The following BBX variants were observed in gnomAD, a reference collection of about 807,000 sequenced individuals.
BBX encodes HMG box transcription factor BBX.
Under a neutral mutation model 100.2 loss-of-function variants are expected in BBX, and 30 were observed. The observed-to-expected ratio is 0.30, with a 90% CI of 0.22 to 0.41. The LOEUF is 0.41. Ranked by LOEUF, BBX falls within the 10% of genes least tolerant of loss-of-function variation. BBX has a pLI of 1.00. For missense variants in BBX, 1,023 were observed against 1,129.8 expected (o/e 0.91, Z 1.35); for synonymous variants, 376 against 388.1 (o/e 0.97, Z 0.37).
intron 2 of BBX, among the ~76,000 whole-genome samples, chr3:107,541,182 A>G (rs1352782009): frequency 6.6e-6 from 1 of 152,188 alleles, no homozygotes; most frequent in African/African-American, 2.4e-5. Context: ...CATTTTACAG[A>G]TGAAGGAACA....
chr3:107,765,763 T>C (rs979396548), intron 10 of BBX, among the ~76,000 whole-genome samples: 4 of 152,170 alleles, frequency 2.6e-5, no homozygotes, highest in Non-Finnish European at 4.4e-5. Flanking sequence ...CGGCACTGGC[T>C]GGAGACTGGG....
chr3:107,525,546 T>C (rs2047703351), intron 1 of BBX: 1 of 152,618 alleles, frequency 6.6e-6, no homozygotes, highest in Non-Finnish European at 1.5e-5. Flanking sequence ...ATGGACTCTA[T>C]TCCCTTTCTC....
chr3:107,757,663 C>T (rs1411549735), intron 10 of BBX, among the ~76,000 whole-genome samples: 1 of 152,138 alleles, frequency 6.6e-6, no homozygotes, highest in African/African-American at 2.4e-5. Context: ...TAAGTATATG[C>T]ACAATGGATT....
intron 3 of BBX, among the ~76,000 whole-genome samples, chr3:107,682,016 C>A: frequency 6.6e-6 from 1 of 152,124 alleles, no homozygotes; most frequent in East Asian, 1.9e-4. Context: ...CAACGTGCTT[C>A]ATAACAGTGC....
At chr3:107,694,805 G>A (rs978401364) in intron 3 of BBX, among the ~76,000 whole-genome samples, 2 of 151,788 alleles carry the variant, frequency 1.3e-5, no homozygotes, top group Non-Finnish European at 1.5e-5. Context: ...ATATAATTCA[G>A]CTGTGAATCC....
At chr3:107,627,894 G>A (rs997756848) in intron 2 of BBX, among the ~76,000 whole-genome samples, 1 of 151,696 alleles carries the variant, frequency 6.6e-6, no homozygotes, top group Non-Finnish European at 1.5e-5. Context: ...TTCTTAGAAT[G>A]CCTGTTTTGA....
chr3:107,621,884 A>G (rs1373579014), intron 2 of BBX, among the ~76,000 whole-genome samples: 1 of 152,108 alleles, frequency 6.6e-6, no homozygotes, highest in Non-Finnish European at 1.5e-5. Flanking sequence ...TCATAGATAC[A>G]CCAGTAATTT....
intron 2 of BBX, among the ~76,000 whole-genome samples, chr3:107,609,636 T>C (rs1055757664): frequency 6.6e-6 from 1 of 152,128 alleles, no homozygotes. Flanking sequence ...TAGGAAATTA[T>C]CCATTTTTTC....
At chr3:107,664,963 G>GT (rs2058663508) in intron 3 of BBX, among the ~76,000 whole-genome samples, 1 of 151,930 alleles carries the variant, frequency 6.6e-6, no homozygotes, top group Non-Finnish European at 1.5e-5. Flanking sequence ...GATTCTTTTG[G>GT]TATCTGATAT....
intron 2 of BBX, among the ~76,000 whole-genome samples, chr3:107,544,821 CA>C (rs1021505401): frequency 2.1e-5 from 3 of 141,650 alleles, no homozygotes; most frequent in Non-Finnish European, 4.6e-5. Context: ...CTGGCTAACA[CA>C]GTGAAACCCT....
intron 2 of BBX, among the ~76,000 whole-genome samples, chr3:107,538,399 CT>C (rs1200434381): frequency 6.6e-6 from 1 of 151,946 alleles, no homozygotes; most frequent in Admixed American, 6.6e-5. Context: ...GTTGTTGTTT[CT>C]TTTTCTTTAA....
intron 3 of BBX, among the ~76,000 whole-genome samples, chr3:107,660,356 G>C (rs1037546189): frequency 6.6e-6 from 1 of 151,818 alleles, no homozygotes; most frequent in African/African-American, 2.4e-5. Flanking sequence ...CTGATGAAAA[G>C]AAATTCTTCA....
intron 2 of BBX, among the ~76,000 whole-genome samples, chr3:107,613,628 A>G (rs2055014963): frequency 6.6e-6 from 1 of 152,048 alleles, no homozygotes; most frequent in African/African-American, 2.4e-5. Flanking sequence ...TAATTTGAAA[A>G]CAGAGATAGG....
rs77599876 is a variant in BBX, at chr3:107,566,323, C to A, written c.-84+39925C>A. 4.4e-3 allele frequency among the ~76,000 whole-genome samples: 673 copies of A among 151,632 alleles called. 5 individuals are homozygous for A. Among genetic ancestry groups the A allele is most frequent in the African/African-American group, 0.015 (603 of 41,358 alleles). ...TTTCTGAGATTAAACTCAACCTGAT[C>A]TTACTCTTTTCAAACACTATTCTAT... On this transcript the variant is annotated intron_variant, in intron 2 of 17. Transcript: ENST00000325805.
In BBX at chr3:107,779,008, TATATATATATATACACACACACACACAC is replaced by T. The variant is rs1395949503; in HGVS notation, c.2203+495_2203+522del. ...TCCTCCAGCAACATATATATATATA[TATATATATATATACACACACACACACAC>T]ATATACATTGGTTTTGTTAAATTTA... On this transcript the variant is annotated intron_variant, in intron 13 of 17. Coordinates refer to ENST00000325805, the MANE Select transcript of BBX (RefSeq NM_001142568.3). Among the ~76,000 whole-genome samples, 13 of 71,316 alleles carry T rather than the reference TATATATATATATACACACACACACACAC, an allele frequency of 1.8e-4. 2 individuals are homozygous for T. The highest frequency in any genetic ancestry group is 5.6e-4 in the African/African-American group (13 of 23,112). The allele number at this position is 71,316 out of a possible 152,430, so 46.8% of individuals were successfully genotyped here. A position where few individuals can be genotyped will look rare whatever the true frequency, so the allele number is the denominator to read the frequency against.
At chr3:107,737,509 G>A (rs2063717171) in intron 7 of BBX, among the ~76,000 whole-genome samples, 1 of 152,092 alleles carries the variant, frequency 6.6e-6, no homozygotes, top group Non-Finnish European at 1.5e-5. Context: ...ATAGATGATG[G>A]CACACCTCCA....
chr3:107,544,994 C>G (rs2049124747), intron 2 of BBX, among the ~76,000 whole-genome samples: 1 of 149,478 alleles, frequency 6.7e-6, no homozygotes, highest in Non-Finnish European at 1.5e-5. Flanking sequence ...CGAGCCTGGG[C>G]AACAGAGCGA....
intron 3 of BBX, chr3:107,677,473 A>G (rs2059340716): frequency 1.3e-5 from 2 of 152,128 alleles, no homozygotes; most frequent in South Asian, 4.1e-4. Flanking sequence ...CACTCACTGT[A>G]AGTTGAAAAT....
At chr3:107,539,787 G>A (rs2048746846) in intron 2 of BBX, among the ~76,000 whole-genome samples, 1 of 152,104 alleles carries the variant, frequency 6.6e-6, no homozygotes, top group South Asian at 2.1e-4. Context: ...CACTCCAAGT[G>A]GACTATCCTG....
Sources: allele counts gnomAD v4.1 joint callset (sites outside exome capture counted in the v4.1 genomes callset), GRCh38; gene constraint gnomAD v4.1.1; transcripts MANE v1.5; gene names NCBI Gene and HGNC (gene_info 2026-07-23, HGNC 2026-07-21).